Variants in TSNARE1 observed in about 807,000 individuals in gnomAD.
TSNARE1 encodes the protein t-SNARE domain containing 1, also known as t-SNARE domain-containing protein 1.
In TSNARE1, 49 loss-of-function variants were observed where a neutral mutation model predicts 62.0. The ratio of observed to expected loss-of-function variants is 0.79; its 90% CI spans 0.63 to 1.00. TSNARE1 has a LOEUF of 1.00. Among genes scored for constraint, TSNARE1 ranks in the 50% least tolerant of loss-of-function variants. The probability of loss-of-function intolerance (pLI) is 0.00; values close to 1 mark genes in which losing one functional copy is unlikely to be tolerated. For missense variants in TSNARE1, 755 were observed against 700.1 expected (o/e 1.08, Z -0.88); for synonymous variants, 328 against 294.4 (o/e 1.11, Z -1.17).
chr8:142,257,153 G>A (rs772007819), intron 12 of TSNARE1, among the ~76,000 whole-genome samples: 2 of 152,208 alleles, frequency 1.3e-5, no homozygotes, highest in Non-Finnish European at 2.9e-5. Context: ...AGGGAGGCAA[G>A]TCTCCACTTT....
chr8:142,228,980 A>G (rs1302521901), intron 13 of TSNARE1, among the ~76,000 whole-genome samples: 1 of 151,674 alleles, frequency 6.6e-6, no homozygotes, highest in African/African-American at 2.4e-5. Context: ...TGGAAGGTAG[A>G]TGGATGGACA....
intron 13 of TSNARE1, among the ~76,000 whole-genome samples, chr8:142,215,388 A>G (rs1347025165): frequency 1.3e-5 from 2 of 152,156 alleles, no homozygotes; most frequent in African/African-American, 2.4e-5. Flanking sequence ...AGGTGGCAGC[A>G]ATGGTGGTCA....
At chr8:142,285,383 G>C (rs1822543316) in intron 10 of TSNARE1, among the ~76,000 whole-genome samples, 1 of 146,576 alleles carries the variant, frequency 6.8e-6, no homozygotes, top group Non-Finnish European at 1.5e-5. Context: ...TGTATGGATG[G>C]GTGAATGGAT....
chr8:142,256,310 T>TAC (rs1563782606), intron 12 of TSNARE1, among the ~76,000 whole-genome samples: 1 of 62,468 alleles, frequency 1.6e-5, no homozygotes, highest in Non-Finnish European at 3.5e-5. Context: ...ACCACCACCA[T>TAC]CATCACCACC....
At chr8:142,355,433 A>T (rs1834646410) in intron 1 of TSNARE1, among the ~76,000 whole-genome samples, 1 of 152,168 alleles carries the variant, frequency 6.6e-6, no homozygotes, top group African/African-American at 2.4e-5. Context: ...AACAGTAAGC[A>T]CTCAACACAT....
At chr8:142,316,405 C>A (rs1405120783) in intron 7 of TSNARE1, among the ~76,000 whole-genome samples, 1 of 151,816 alleles carries the variant, frequency 6.6e-6, no homozygotes, top group Non-Finnish European at 1.5e-5. Flanking sequence ...TTTAGGGAGA[C>A]TCTGGCCACC....
intron 12 of TSNARE1, among the ~76,000 whole-genome samples, chr8:142,259,865 C>G (rs536795120): frequency 1.3e-5 from 2 of 152,306 alleles, no homozygotes; most frequent in South Asian, 4.1e-4. Context: ...CCGGGGGCAC[C>G]TAGGGGATGC....
intron 9 of TSNARE1, 103 bp from the exon 10 acceptor site, chr8:142,300,747 C>CTCAGAGAGCAGATGGGGAT: frequency 7.0e-7 from 1 of 1,422,060 alleles, no homozygotes; most frequent in Non-Finnish European, 9.5e-7. Flanking sequence ...TCACTATCCC[C>CTCAGAGAGCAGATGGGGAT]ATCTGCTCTC....
intron 4 of TSNARE1, among the ~76,000 whole-genome samples, chr8:142,343,154 G>A (rs571171105): frequency 6.6e-5 from 10 of 152,304 alleles, no homozygotes; most frequent in African/African-American, 1.9e-4. Flanking sequence ...CTCAGGGTCT[G>A]CAGAAGGCCC....
upstream of TSNARE1, chr8:142,403,797 C>T (rs534319682): frequency 6.6e-6 from 1 of 152,214 alleles, no homozygotes; most frequent in Non-Finnish European, 1.5e-5. Flanking sequence ...AGTAGGGAGC[C>T]CCTTGCGGAG....
intron 1 of TSNARE1, among the ~76,000 whole-genome samples, chr8:142,363,461 G>C (rs1210963276): frequency 6.6e-6 from 1 of 152,154 alleles, no homozygotes; most frequent in Non-Finnish European, 1.5e-5. Flanking sequence ...CCAGCCCCAT[G>C]AGCCTGGCTC....
intron 11 of TSNARE1, chr8:142,279,846 G>A: frequency 2.9e-6 from 3 of 1,026,604 alleles, no homozygotes; most frequent in East Asian, 2.2e-4. Flanking sequence ...GGGCTGTGGG[G>A]AAGGCCCACT....
intron 12 of TSNARE1, among the ~76,000 whole-genome samples, chr8:142,258,422 C>T (rs1818696781): frequency 6.6e-6 from 1 of 152,042 alleles, no homozygotes; most frequent in African/African-American, 2.4e-5. Flanking sequence ...TTCTCTTCGC[C>T]CCCTGGGCCT....
chr8:142,367,628 AAGT>A (rs1231723519), intron 1 of TSNARE1, among the ~76,000 whole-genome samples: 1 of 152,242 alleles, frequency 6.6e-6, no homozygotes, highest in African/African-American at 2.4e-5. Flanking sequence ...ACAACACTGT[AAGT>A]AGACTAAAAT....
intron 1 of TSNARE1, among the ~76,000 whole-genome samples, chr8:142,372,909 G>A (rs971174005): frequency 1.3e-5 from 2 of 152,234 alleles, no homozygotes; most frequent in South Asian, 2.1e-4. Context: ...TTCCTTCCCT[G>A]CTGTGCCTCT....
At chr8:142,248,136 C>T (rs921602409) in intron 12 of TSNARE1, among the ~76,000 whole-genome samples, 6 of 152,204 alleles carry the variant, frequency 3.9e-5, no homozygotes, top group Admixed American at 2.0e-4. Flanking sequence ...TCCTCCACCT[C>T]GCCCTCTGCC....
intron 12 of TSNARE1, among the ~76,000 whole-genome samples, chr8:142,232,435 C>T (rs1013676809): frequency 2.6e-5 from 4 of 152,266 alleles, no homozygotes; most frequent in Admixed American, 6.5e-5. Context: ...CCCTGCGCTA[C>T]GTCTCTACCC....
intron 9 of TSNARE1, among the ~76,000 whole-genome samples, chr8:142,305,661 C>A (rs745818877): frequency 6.6e-6 from 1 of 152,184 alleles, no homozygotes; most frequent in South Asian, 2.1e-4. Context: ...GCTCACAAAG[C>A]GCTCCTTTAT....
At chr8:142,337,018 T>C (rs1472279171) in intron 4 of TSNARE1, among the ~76,000 whole-genome samples, 4 of 151,824 alleles carry the variant, frequency 2.6e-5, no homozygotes, top group African/African-American at 7.3e-5. Flanking sequence ...GGGAAGTGTA[T>C]AGCAATAAAT....
Sources: allele counts gnomAD v4.1 joint callset (sites outside exome capture counted in the v4.1 genomes callset), GRCh38; gene constraint gnomAD v4.1.1; transcripts MANE v1.5; gene names NCBI Gene and HGNC (gene_info 2026-07-23, HGNC 2026-07-21).